Variants in ABCB11 observed in about 807,000 individuals in gnomAD.
The protein encoded by ABCB11 is bile salt export pump.
A neutral mutation model predicts 148.0 loss-of-function variants in ABCB11; 95 were observed. The observed-to-expected ratio is 0.64, with a 90% CI of 0.54 to 0.76. The LOEUF (loss-of-function observed/expected upper bound fraction) is 0.76. Ranked by LOEUF, ABCB11 falls within the 30% of genes least tolerant of loss-of-function variation. ABCB11 has a pLI of 0.00. For missense variants in ABCB11, 1,523 were observed against 1,617.8 expected (o/e 0.94, Z 1.01); for synonymous variants, 591 against 555.4 (o/e 1.06, Z -0.90).
At chr2:168,990,696 A>G in intron 9 of ABCB11, 105 bp downstream of exon 9, 1 of 1,416,900 alleles carries the variant, frequency 7.1e-7, no homozygotes. Flanking sequence ...CTTCCTCTGG[A>G]GGCCACAGAC....
chr2:168,969,566 A>G lies in ABCB11; in HGVS notation c.1810-15T>C, dbSNP rs1208657659. The G allele has an allele frequency of 2.5e-6, 4 of 1,606,838 alleles. No individual in the cohort carries two copies. The highest frequency in any genetic ancestry group is 2.2e-5 in the East Asian group (1 of 44,568). On this transcript the variant is annotated splice_polypyrimidine_tract_variant and intron_variant, in intron 15 of 27. Coordinates refer to ENST00000650372, the MANE Select transcript of ABCB11 (RefSeq NM_003742.4). ...CCATGCTGAATCTGTAAGAATGTACAGTGCACCATTAAACAAAACTGTGAG... is the reference window on the plus strand; with the variant it reads ...CCATGCTGAATCTGTAAGAATGTACGGTGCACCATTAAACAAAACTGTGAG...
At chr2:168,993,189 C>T (rs1694597669) in intron 8 of ABCB11, among the ~76,000 whole-genome samples, 1 of 151,986 alleles carries the variant, frequency 6.6e-6, no homozygotes, top group African/African-American at 2.4e-5. Flanking sequence ...AGAAATCCTT[C>T]TTGTGTGCTT....
chr2:168,996,894 A>T, intron 5 of ABCB11, among the ~76,000 whole-genome samples, 172 bp from the exon 6 acceptor site: 1 of 150,170 alleles, frequency 6.7e-6, no homozygotes, highest in East Asian at 1.9e-4. Flanking sequence ...AAGACATTTT[A>T]TCTATGCAAA....
At chr2:168,976,189 A>G (rs1693895522) in intron 12 of ABCB11, among the ~76,000 whole-genome samples, 1 of 152,124 alleles carries the variant, frequency 6.6e-6, no homozygotes, top group African/African-American at 2.4e-5. Context: ...CCCTATACTC[A>G]GTGTCTTCCA....
intron 5 of ABCB11, among the ~76,000 whole-genome samples, chr2:169,010,512 CT>C (rs1313057213): frequency 1.3e-5 from 2 of 152,142 alleles, no homozygotes; most frequent in African/African-American, 4.8e-5. Flanking sequence ...CACACACATG[CT>C]TTTGTTGCTA....
In ABCB11 at chr2:169,022,279, T is replaced by C. The variant is rs1476068321; in HGVS notation, c.-27-4127A>G. ...ATAAAATGAAAAACAGTAGAAAGGA[T>C]ATATCAATTCAAAAGTTGTTTTTTG... On this transcript the variant is annotated intron_variant, in intron 1 of 27. Coordinates refer to ENST00000650372, the MANE Select transcript of ABCB11 (RefSeq NM_003742.4). Among the ~76,000 whole-genome samples, 6 of 151,870 alleles carry C rather than the reference T, an allele frequency of 4.0e-5. No individual in the cohort carries two copies. In the East Asian group the frequency reaches 9.6e-4, roughly 24 times the overall value.
chr2:169,016,688 C>A, intron 3 of ABCB11, 90 bp downstream of exon 3: 3 of 994,538 alleles, frequency 3.0e-6, no homozygotes, highest in Non-Finnish European at 4.7e-6. Context: ...GTGCAATGTG[C>A]ATGAAAGTAT....
chr2:168,954,592 T>C (rs1422147428), intron 19 of ABCB11, among the ~76,000 whole-genome samples: 1 of 151,616 alleles, frequency 6.6e-6, no homozygotes, highest in African/African-American at 2.4e-5. Flanking sequence ...AAAAGTCTGC[T>C]ATTAGTCTGA....
At chr2:168,998,801 T>A (rs1013975811) in intron 5 of ABCB11, among the ~76,000 whole-genome samples, 3 of 152,068 alleles carry the variant, frequency 2.0e-5, no homozygotes, top group Non-Finnish European at 4.4e-5. Flanking sequence ...ATATATGCAG[T>A]TTATCACTCT....
chr2:169,010,794 C>T (rs191124531), intron 5 of ABCB11, among the ~76,000 whole-genome samples: 2 of 151,676 alleles, frequency 1.3e-5, no homozygotes, highest in Admixed American at 1.3e-4. Flanking sequence ...TGTCAATGAT[C>T]ACAATAACTC....
intron 25 of ABCB11, 113 bp downstream of exon 25, chr2:168,930,552 C>T (rs1691518528): frequency 2.5e-6 from 2 of 802,632 alleles, no homozygotes; most frequent in African/African-American, 1.8e-5. Context: ...GGGGTAAGTG[C>T]CTTAGGCAAG....
At chr2:168,942,313 A>G (rs1001363801) in intron 21 of ABCB11, among the ~76,000 whole-genome samples, 2 of 151,846 alleles carry the variant, frequency 1.3e-5, no homozygotes, top group African/African-American at 4.8e-5. Context: ...CCTACTGTGT[A>G]TGTATGTGTG....
intron 5 of ABCB11, among the ~76,000 whole-genome samples, chr2:169,011,579 C>T (rs1217359144): frequency 1.3e-5 from 2 of 152,150 alleles, no homozygotes; most frequent in African/African-American, 4.8e-5. Context: ...CCTGTGTTTT[C>T]TGTCAGGTAC....
At chr2:168,940,635 A>T (rs1574411287) in intron 21 of ABCB11, among the ~76,000 whole-genome samples, 2 of 152,154 alleles carry the variant, frequency 1.3e-5, no homozygotes, top group East Asian at 3.9e-4. Context: ...AGCTAAGGTC[A>T]TTGATAAAGG....
intron 11 of ABCB11, among the ~76,000 whole-genome samples, chr2:168,978,803 C>T (rs1410711304): frequency 3.3e-5 from 5 of 152,064 alleles, no homozygotes; most frequent in African/African-American, 9.7e-5. Context: ...ACTGCAGCCT[C>T]GGCCACCCTG....
At chr2:168,973,869 A>C (rs1246923751) in intron 12 of ABCB11, 29 bp from the exon 13 acceptor site, 1 of 1,607,092 alleles carries the variant, frequency 6.2e-7, no homozygotes. Context: ...AGCAAAGTTC[A>C]GATTGTCACT....
At chr2:168,932,959 A>T (rs974736145) in intron 23 of ABCB11, among the ~76,000 whole-genome samples, 7 of 151,928 alleles carry the variant, frequency 4.6e-5, no homozygotes, top group African/African-American at 1.7e-4. Context: ...AATACAAAAA[A>T]TTAGCTGGGC....
chr2:168,944,201 GCTT>G (rs1322765519), intron 21 of ABCB11, among the ~76,000 whole-genome samples: 7 of 152,006 alleles, frequency 4.6e-5, no homozygotes, highest in Non-Finnish European at 1.0e-4. Flanking sequence ...GCCCAGGACA[GCTT>G]CTCTGTTCAT....
chr2:168,919,021 AT>A (rs1308210481), downstream of ABCB11, among the ~76,000 whole-genome samples: 2 of 147,378 alleles, frequency 1.4e-5, no homozygotes, highest in East Asian at 4.1e-4. Flanking sequence ...AGATGTTTTT[AT>A]TGTAAAACAT....
Sources: allele counts gnomAD v4.1 joint callset (sites outside exome capture counted in the v4.1 genomes callset), GRCh38; gene constraint gnomAD v4.1.1; transcripts MANE v1.5; gene names NCBI Gene and HGNC (gene_info 2026-07-23, HGNC 2026-07-21).